The following THBS4 variants were observed in gnomAD, a reference collection of about 807,000 sequenced individuals.
THBS4 encodes thrombospondin-4.
A neutral mutation model predicts 115.7 loss-of-function variants in THBS4; 90 were observed. The observed-to-expected ratio is 0.78, with a 90% CI of 0.66 to 0.93. The LOEUF is 0.93. Among genes scored for constraint, THBS4 ranks in the 40% least tolerant of loss-of-function variants. The probability of loss-of-function intolerance (pLI) is 0.00; values close to 1 mark genes in which losing one functional copy is unlikely to be tolerated. For synonymous variants in THBS4, 460 were observed against 479.3 expected (o/e 0.96, Z 0.53); for missense variants, 1,087 against 1,232.7 (o/e 0.88, Z 1.77).
intron 16 of THBS4, 78 bp downstream of exon 16, chr5:80,077,126 A>G: frequency 1.5e-6 from 2 of 1,342,752 alleles, no homozygotes; most frequent in South Asian, 1.6e-5. Flanking sequence ...GCCTCTCTCC[A>G]GGCACCAACT....
chr5:80,075,810 T>C (rs1743178434), intron 15 of THBS4, among the ~76,000 whole-genome samples: 1 of 152,242 alleles, frequency 6.6e-6, no homozygotes, highest in Non-Finnish European at 1.5e-5. Context: ...ACCTGCTGCA[T>C]GCACAGGGAT....
intron 2 of THBS4, among the ~76,000 whole-genome samples, chr5:80,014,683 T>C (rs1010854187): frequency 6.6e-6 from 1 of 152,146 alleles, no homozygotes; most frequent in African/African-American, 2.4e-5. Flanking sequence ...GTATGAGGAA[T>C]GTGAAGAAGA....
chr5:80,005,980 T>C (rs1315516241), intron 2 of THBS4, among the ~76,000 whole-genome samples: 1 of 152,062 alleles, frequency 6.6e-6, no homozygotes, highest in East Asian at 1.9e-4. Flanking sequence ...TTGGCCAGGA[T>C]GGTCTCGATC....
At chr5:79,991,348 A>G (rs1831667375) in exon 1 of THBS4, 2 of 962,100 alleles carry the variant, frequency 2.1e-6, no homozygotes, top group Non-Finnish European at 1.5e-6. Context: ...GGGGCTCTTG[A>G]GAGATGAGAG....
chr5:80,026,009 T>C (rs1274134961), intron 2 of THBS4, among the ~76,000 whole-genome samples: 2 of 152,206 alleles, frequency 1.3e-5, no homozygotes, highest in Non-Finnish European at 2.9e-5. Context: ...CGGAAAGTCA[T>C]TTTTAACTGA....
rs767652169 is a variant in THBS4, at chr5:80,055,869, G to C, written c.377G>C (p.Arg126Thr). 2.5e-6 allele frequency: 4 copies of C among 1,614,212 alleles called. No homozygotes were observed. In the Admixed American group the frequency reaches 6.7e-5, roughly 27 times the overall value. The change falls in exon 3 of 22, where the codon AGG (arginine) becomes ACG (threonine). Residue 126 changes from arginine to threonine, a missense_variant. Transcript: ENST00000350881. ...CAGCTGGCAGACGGAAGGCGGCACA[G>C]GATCCTCCTGAGGCTGAGCAATTTG... is the stretch of plus-strand genomic sequence containing the variant. Reference protein sequence around the residue: ...NLQLADGRRHRILLRLSNLQR... With the variant: ...NLQLADGRRHTILLRLSNLQR...
intron 2 of THBS4, among the ~76,000 whole-genome samples, chr5:80,040,742 G>A (rs1050878466): frequency 3.3e-5 from 5 of 152,118 alleles, no homozygotes; most frequent in Admixed American, 6.5e-5. Flanking sequence ...AAAGACTACC[G>A]GAGACTGGGT....
intron 2 of THBS4, among the ~76,000 whole-genome samples, chr5:80,041,770 C>T (rs890465655): frequency 4.6e-5 from 7 of 152,162 alleles, no homozygotes; most frequent in Non-Finnish European, 8.8e-5. Flanking sequence ...GTGACAGATG[C>T]GTGTTCCTGC....
rs200637666 is a variant in THBS4, at chr5:80,082,630, C to CT, written c.2824+85_2824+86insT. On this transcript the variant is annotated intron_variant, in intron 21 of 21. Coordinates refer to ENST00000350881, the MANE Select transcript of THBS4 (RefSeq NM_003248.6). Reference sequence around the variant, plus strand: ...CTTATTTTTATACCGCACTTCCCCCCCAAAAGCCCAACGCTCATACCACAT... The same window carrying CT: ...CTTATTTTTATACCGCACTTCCCCCCTCAAAAGCCCAACGCTCATACCACAT... 419 of 1,538,132 alleles carry CT rather than the reference C, an allele frequency of 2.7e-4. 1 individual carries two copies. In the East Asian group the frequency reaches 3.8e-3, roughly 14 times the overall value.
upstream of THBS4, among the ~76,000 whole-genome samples, chr5:80,032,977 GT>G (rs1411390844): frequency 6.6e-6 from 1 of 152,230 alleles, no homozygotes; most frequent in East Asian, 1.9e-4. Flanking sequence ...AAAATTCCTA[GT>G]TTTTTTGTTG....
intron 20 of THBS4, among the ~76,000 whole-genome samples, chr5:80,081,075 A>G (rs959705707): frequency 6.6e-6 from 1 of 152,082 alleles, no homozygotes; most frequent in Non-Finnish European, 1.5e-5. Flanking sequence ...AAATGTAGAT[A>G]GTGTTCTTCT....
intron 2 of THBS4, among the ~76,000 whole-genome samples, chr5:80,014,298 A>G (rs1832205302): frequency 6.6e-6 from 1 of 152,216 alleles, no homozygotes; most frequent in Non-Finnish European, 1.5e-5. Context: ...GGCCTCCAAC[A>G]GATATGACCA....
chr5:80,015,513 ATAAGTC>A (rs1832228810), intron 2 of THBS4, among the ~76,000 whole-genome samples: 1 of 152,228 alleles, frequency 6.6e-6, no homozygotes. Flanking sequence ...AACAGGAAGG[ATAAGTC>A]CATGTTCTGG....
chr5:80,025,231 A>G (rs1207961774), intron 2 of THBS4, among the ~76,000 whole-genome samples: 1 of 152,204 alleles, frequency 6.6e-6, no homozygotes, highest in African/African-American at 2.4e-5. Flanking sequence ...GTGTGGATAT[A>G]TGTTTACTTA....
intron 1 of THBS4, among the ~76,000 whole-genome samples, chr5:80,039,347 TTG>T (rs1480809678): frequency 6.6e-6 from 1 of 152,256 alleles, no homozygotes; most frequent in Non-Finnish European, 1.5e-5. Flanking sequence ...ATTACAAAGT[TTG>T]TGAGAGAAAG....
intron 2 of THBS4, among the ~76,000 whole-genome samples, chr5:80,041,082 G>C (rs1174803356): frequency 6.6e-6 from 1 of 152,048 alleles, no homozygotes; most frequent in Non-Finnish European, 1.5e-5. Context: ...TCCCAACACC[G>C]CCACATTGGG....
chr5:80,081,714 TTTACAA>T (rs1419630260), intron 20 of THBS4, among the ~76,000 whole-genome samples: 1 of 152,216 alleles, frequency 6.6e-6, no homozygotes, highest in Non-Finnish European at 1.5e-5. Flanking sequence ...ATACTTGCTG[TTTACAA>T]GTGAAAGTGA....
chr5:80,022,353 T>C (rs957788586), intron 2 of THBS4, among the ~76,000 whole-genome samples: 6 of 152,224 alleles, frequency 3.9e-5, no homozygotes, highest in African/African-American at 1.2e-4. Flanking sequence ...ATTACACTAC[T>C]AGAAACAATG....
intron 1 of THBS4, among the ~76,000 whole-genome samples, chr5:80,038,346 C>T (rs961548636): frequency 6.6e-6 from 1 of 152,044 alleles, no homozygotes; most frequent in Non-Finnish European, 1.5e-5. Context: ...CTTAATGTAT[C>T]ATGAACATCT....
Sources: gnomAD v4.1 joint callset for allele counts (sites outside exome capture counted in the v4.1 genomes callset) on GRCh38, gnomAD v4.1.1 for gene constraint, MANE v1.5 for transcripts, NCBI Gene and HGNC (gene_info 2026-07-23, HGNC 2026-07-21) for gene names.